The following FAM135A variants were observed in gnomAD, a reference collection of about 807,000 sequenced individuals.
FAM135A encodes the protein protein FAM135A.
Under a neutral mutation model 146.8 loss-of-function variants are expected in FAM135A, and 79 were observed. That is an observed-to-expected ratio of 0.54 (90% CI 0.45 to 0.65). The LOEUF is 0.65. FAM135A is among the 30% of genes least tolerant of loss of function. The pLI, the probability that FAM135A is intolerant of heterozygous loss-of-function variation, is 0.00. For missense variants in FAM135A, 1,623 were observed against 1,758.2 expected, an observed-to-expected ratio of 0.92 and a Z score of 1.38; for synonymous variants, 562 against 603.6, an observed-to-expected ratio of 0.93 and a Z score of 1.01.
chr6:70,476,688 T>C (rs187359273), intron 7 of FAM135A, among the ~76,000 whole-genome samples: 6 of 152,278 alleles, frequency 3.9e-5, no homozygotes, highest in Admixed American at 3.9e-4. Flanking sequence ...ATATCTACAA[T>C]AAGATATGTT....
chr6:70,560,707 A>G lies in FAM135A; in HGVS notation c.*786A>G, dbSNP rs923084412. On this transcript the variant is annotated 3_prime_UTR_variant, in exon 22 of 22. Coordinates refer to ENST00000418814, the MANE Select transcript of FAM135A (RefSeq NM_001162529.3). ...AATGTTGCTTGAACTTTATGACTAC[A>G]TTTTCTTTTAACTTTTTTCATGGAC... is the stretch of plus-strand genomic sequence containing the variant. 2 of 152,476 alleles carry G rather than the reference A, an allele frequency of 1.3e-5. No individual in the cohort carries two copies. The highest frequency in any genetic ancestry group is 4.8e-5 in the African/African-American group (2 of 41,426). 9.4% of individuals were successfully genotyped at this position (152,476 alleles called of 1,614,324 possible). A position where few individuals can be genotyped will look rare whatever the true frequency, so the allele number is the denominator to read the frequency against.
chr6:70,498,471 C>T (rs1339697085), intron 11 of FAM135A, among the ~76,000 whole-genome samples: 1 of 152,086 alleles, frequency 6.6e-6, no homozygotes, highest in Non-Finnish European at 1.5e-5. Flanking sequence ...GTGTCTCTAT[C>T]TCCTTCAGTT....
chr6:70,468,715 C>G (rs1311785433), intron 5 of FAM135A, among the ~76,000 whole-genome samples: 4 of 152,156 alleles, frequency 2.6e-5, no homozygotes, highest in Non-Finnish European at 4.4e-5. Flanking sequence ...TGTCTGTCTC[C>G]TTCCTAGAGA....
chr6:70,537,169 C>T (rs1383562150), intron 19 of FAM135A, among the ~76,000 whole-genome samples: 10 of 151,938 alleles, frequency 6.6e-5, no homozygotes, highest in Non-Finnish European at 1.5e-4. Context: ...CTCCTGACCT[C>T]GTGATCCGCC....
At chr6:70,483,643 G>A (rs1784126405) in intron 10 of FAM135A, among the ~76,000 whole-genome samples, 1 of 152,046 alleles carries the variant, frequency 6.6e-6, no homozygotes, top group South Asian at 2.1e-4. Context: ...ATCTTTATTG[G>A]TGGTTTGGAA....
intron 16 of FAM135A, among the ~76,000 whole-genome samples, chr6:70,528,808 G>C (rs994637258): frequency 6.6e-6 from 1 of 151,912 alleles, no homozygotes; most frequent in African/African-American, 2.4e-5. Context: ...TCTACATTAG[G>C]TATTTCTCCT....
At chr6:70,530,752 C>A in intron 16 of FAM135A, among the ~76,000 whole-genome samples, 1 of 151,668 alleles carries the variant, frequency 6.6e-6, no homozygotes, top group East Asian at 1.9e-4. Flanking sequence ...GACTCCATCT[C>A]AAACAAACAA....
chr6:70,495,821 T>A (rs903753007), intron 11 of FAM135A, among the ~76,000 whole-genome samples: 1 of 152,110 alleles, frequency 6.6e-6, no homozygotes, highest in Non-Finnish European at 1.5e-5. Context: ...TGGTGTGTGA[T>A]GTTCCCCGTC....
At chr6:70,437,806 T>C (rs979996705) in intron 4 of FAM135A, among the ~76,000 whole-genome samples, 1 of 152,166 alleles carries the variant, frequency 6.6e-6, no homozygotes, top group African/African-American at 2.4e-5. Flanking sequence ...AAAGTAAATG[T>C]TAGGCTCTTT....
intron 4 of FAM135A, among the ~76,000 whole-genome samples, chr6:70,436,335 T>A (rs927589651): frequency 6.6e-6 from 1 of 152,198 alleles, no homozygotes; most frequent in African/African-American, 2.4e-5. Context: ...CTGAGAATAC[T>A]CGATAAGAAG....
chr6:70,531,299 C>T (rs1795758590), intron 16 of FAM135A, among the ~76,000 whole-genome samples: 1 of 152,350 alleles, frequency 6.6e-6, no homozygotes, highest in South Asian at 2.1e-4. Flanking sequence ...TTTGCTTTGA[C>T]TGGACCGCTT....
chr6:70,518,796 G>A (rs1297690920), intron 12 of FAM135A, among the ~76,000 whole-genome samples: 1 of 152,094 alleles, frequency 6.6e-6, no homozygotes, highest in Non-Finnish European at 1.5e-5. Flanking sequence ...TACAGTTCAG[G>A]AATAAAAAGA....
At chr6:70,485,395 A>C (rs1784420794) in intron 10 of FAM135A, among the ~76,000 whole-genome samples, 1 of 152,124 alleles carries the variant, frequency 6.6e-6, no homozygotes, top group African/African-American at 2.4e-5. Context: ...AAACATCTAA[A>C]AATACTATTA....
At chr6:70,515,253 C>T (rs1446712409) in intron 12 of FAM135A, among the ~76,000 whole-genome samples, 1 of 152,206 alleles carries the variant, frequency 6.6e-6, no homozygotes, top group Non-Finnish European at 1.5e-5. Flanking sequence ...CCAGCTATCA[C>T]ACCGCTTGGT....
At chr6:70,494,607 G>C (rs1256944611) in intron 11 of FAM135A, among the ~76,000 whole-genome samples, 2 of 151,748 alleles carry the variant, frequency 1.3e-5, no homozygotes, top group African/African-American at 4.8e-5. Context: ...ATATAAAAAA[G>C]AATTATATTA....
At chr6:70,432,978 A>G (rs1772027266) in intron 4 of FAM135A, among the ~76,000 whole-genome samples, 1 of 152,078 alleles carries the variant, frequency 6.6e-6, no homozygotes, top group Admixed American at 6.5e-5. Context: ...AAACTTATAC[A>G]GTTTATAAAT....
At chr6:70,513,322 C>T (rs558766166) in intron 12 of FAM135A, 226 of 149,374 alleles carry the variant, frequency 1.5e-3, no homozygotes, top group African/African-American at 4.9e-3. Context: ...TAGAATTTGT[C>T]TAGCAGGTTT....
intron 2 of FAM135A, among the ~76,000 whole-genome samples, chr6:70,421,750 A>T (rs1469032570): frequency 5.3e-5 from 8 of 152,122 alleles, no homozygotes; most frequent in Non-Finnish European, 1.2e-4. Context: ...TTTCAGTTTT[A>T]TGTCACTTTG....
At chr6:70,492,305 G>A (rs548543235) in intron 11 of FAM135A, among the ~76,000 whole-genome samples, 41 of 151,558 alleles carry the variant, frequency 2.7e-4, no homozygotes, top group Non-Finnish European at 4.9e-4. Context: ...TAAAGTTAAC[G>A]TCATGCCATG....
Sources: gnomAD v4.1 joint callset for allele counts (sites outside exome capture counted in the v4.1 genomes callset) on GRCh38, gnomAD v4.1.1 for gene constraint, MANE v1.5 for transcripts, NCBI Gene and HGNC (gene_info 2026-07-23, HGNC 2026-07-21) for gene names.